The following NEMP2 variants were observed in gnomAD, a reference collection of about 807,000 sequenced individuals.
The protein encoded by NEMP2 is nuclear envelope integral membrane protein 2.
Under a neutral mutation model 54.2 loss-of-function variants are expected in NEMP2, and 53 were observed. The observed-to-expected ratio is 0.98, with a 90% confidence interval of 0.78 to 1.23. The LOEUF (loss-of-function observed/expected upper bound fraction) is 1.23, where lower values mean the gene tolerates loss of function less well. Ranked by LOEUF, NEMP2 falls within the 50% of genes most tolerant of loss-of-function variation. The pLI, the probability that NEMP2 is intolerant of heterozygous loss-of-function variation, is 0.00. For missense variants in NEMP2, 455 were observed against 511.3 expected, an observed-to-expected ratio of 0.89 and a Z score of 1.06; for synonymous variants, 197 against 190.3, an observed-to-expected ratio of 1.04 and a Z score of -0.29.
chr2:190,470,927 G>T, the NEMP2 span, among the ~76,000 whole-genome samples: 1 of 151,868 alleles, frequency 6.6e-6, no homozygotes, highest in Non-Finnish European at 1.5e-5. Flanking sequence ...ACTTTAAGAT[G>T]CTTTTCTCAG....
chr2:190,519,013 C>G lies in NEMP2; in HGVS notation c.384G>C (p.Val128=). ...TCTTGACAGGCTCCACAGAGAAGCACACAGTCTCCCTGTATGGATTGATGA... is the reference window on the plus strand; with the variant it reads ...TCTTGACAGGCTCCACAGAGAAGCAGACAGTCTCCCTGTATGGATTGATGA... ...TIIINPYRET[V]CFSVEPVKKI... The change falls in exon 3 of 9, where the codon GTG becomes GTC. Residue 128 remains valine (V), a synonymous_variant. Coordinates refer to ENST00000409150, the MANE Select transcript of NEMP2 (RefSeq NM_001142645.2). The surrounding 1 kb of genome is among the most constrained non-coding windows in gnomAD (Gnocchi z 5.4). 5 of 1,551,374 alleles carry G rather than the reference C, an allele frequency of 3.2e-6. No homozygotes were observed. The highest frequency in any genetic ancestry group is 4.4e-6 in the Non-Finnish European group (5 of 1,146,932).
chr2:190,568,473 T>TTA, the NEMP2 span, among the ~76,000 whole-genome samples: 1 of 152,046 alleles, frequency 6.6e-6, no homozygotes, highest in Non-Finnish European at 1.5e-5. The surrounding 1 kb of genome is among the most constrained non-coding windows in gnomAD (Gnocchi z 4.7). Flanking sequence ...CAATATAATC[T>TTA]TATATATATA....
At chr2:190,486,260 G>C in the NEMP2 span, among the ~76,000 whole-genome samples, 1 of 152,348 alleles carries the variant, frequency 6.6e-6, no homozygotes, top group South Asian at 2.1e-4. Flanking sequence ...CGCCTTGTGT[G>C]GGTTCTGGGT....
the NEMP2 span, among the ~76,000 whole-genome samples, chr2:190,494,751 C>T: frequency 6.6e-6 from 1 of 152,144 alleles, no homozygotes; most frequent in Admixed American, 6.5e-5. The surrounding 1 kb of genome is among the most constrained non-coding windows in gnomAD (Gnocchi z 5.7). Context: ...ACAAAAATCA[C>T]ATGATCATCT....
At chr2:190,430,945 A>T in the NEMP2 span, among the ~76,000 whole-genome samples, 2 of 148,452 alleles carry the variant, frequency 1.3e-5, no homozygotes, top group East Asian at 4.2e-4. Context: ...CTCACTTCTC[A>T]GACGGGGCGG....
the NEMP2 span, among the ~76,000 whole-genome samples, chr2:190,451,265 T>A: frequency 6.6e-6 from 1 of 152,212 alleles, no homozygotes; most frequent in African/African-American, 2.4e-5. This position sits in a 1 kb window ranked among gnomAD's most constrained non-coding sequence, Gnocchi z 5.0. Flanking sequence ...AGGTTCCTCA[T>A]TGGTAAAACG....
chr2:190,541,871 T>C, the NEMP2 span, among the ~76,000 whole-genome samples: 2 of 20,190 alleles, frequency 9.9e-5, no homozygotes. This position sits in a 1 kb window ranked among gnomAD's most constrained non-coding sequence, Gnocchi z 5.2. Flanking sequence ...TGGATAGCAG[T>C]TTTTTTTTTT....
intron 1 of NEMP2, 25 bp downstream of exon 1, chr2:190,534,534 G>A: frequency 7.3e-7 from 1 of 1,371,266 alleles, no homozygotes; most frequent in Non-Finnish European, 9.4e-7. Flanking sequence ...GCACGCGCGC[G>A]CCGCCGCCGC....
chr2:190,518,710 T>C (rs1172493392), intron 4 of NEMP2, 26 bp downstream of exon 4: 3 of 1,485,468 alleles, frequency 2.0e-6, no homozygotes, highest in Non-Finnish European at 1.8e-6. Flanking sequence ...ATTCACAAAG[T>C]TAAAAATATA....
chr2:190,437,784 C>T, the NEMP2 span, among the ~76,000 whole-genome samples: 1 of 152,174 alleles, frequency 6.6e-6, no homozygotes. This position sits in a 1 kb window ranked among gnomAD's most constrained non-coding sequence, Gnocchi z 5.9. Flanking sequence ...ATGGCTTCCT[C>T]TGCTCTCCCA....
At chr2:190,434,747 A>C in the NEMP2 span, among the ~76,000 whole-genome samples, 1 of 152,188 alleles carries the variant, frequency 6.6e-6, no homozygotes, top group African/African-American at 2.4e-5. This position sits in a 1 kb window ranked among gnomAD's most constrained non-coding sequence, Gnocchi z 4.3. Flanking sequence ...ACTGTTTTTC[A>C]AAAAAGTTTA....
chr2:190,468,319 C>G, the NEMP2 span, among the ~76,000 whole-genome samples: 1 of 152,174 alleles, frequency 6.6e-6, no homozygotes, highest in African/African-American at 2.4e-5. Flanking sequence ...CATCCACACC[C>G]TTCAACTTTT....
At chr2:190,466,734 AT>A in the NEMP2 span, among the ~76,000 whole-genome samples, 1 of 152,090 alleles carries the variant, frequency 6.6e-6, no homozygotes, top group Non-Finnish European at 1.5e-5. Context: ...GATACTTCTT[AT>A]TTTGTGTTTT....
chr2:190,566,988 C>G, the NEMP2 span, among the ~76,000 whole-genome samples: 4 of 151,818 alleles, frequency 2.6e-5, no homozygotes, highest in Non-Finnish European at 4.4e-5. Context: ...AATCATACCT[C>G]TAACCTAAAA....
At chr2:190,471,958 C>T in the NEMP2 span, among the ~76,000 whole-genome samples, 1 of 152,208 alleles carries the variant, frequency 6.6e-6, no homozygotes, top group African/African-American at 2.4e-5. This position sits in a 1 kb window ranked among gnomAD's most constrained non-coding sequence, Gnocchi z 4.7. Flanking sequence ...GCAGCTTTCA[C>T]TGCTGATACC....
At chr2:190,463,747 G>A in the NEMP2 span, 1 of 364,744 alleles carries the variant, frequency 2.7e-6, no homozygotes, top group East Asian at 1.6e-4. The surrounding 1 kb of genome is among the most constrained non-coding windows in gnomAD (Gnocchi z 4.4). Context: ...CTGGGCTCTG[G>A]TGGTCAAGGC....
chr2:190,628,229 G>A, the NEMP2 span: 24 of 152,212 alleles, frequency 1.6e-4, no homozygotes, highest in African/African-American at 5.1e-4. The surrounding 1 kb of genome is among the most constrained non-coding windows in gnomAD (Gnocchi z 4.1). Flanking sequence ...CATCTGGAAG[G>A]TCTTGGGGAG....
At chr2:190,611,569 C>A in the NEMP2 span, among the ~76,000 whole-genome samples, 1 of 152,150 alleles carries the variant, frequency 6.6e-6, no homozygotes, top group Admixed American at 6.5e-5. The surrounding 1 kb of genome is among the most constrained non-coding windows in gnomAD (Gnocchi z 5.4). Flanking sequence ...GATGATACCC[C>A]TTTAACTTTG....
the NEMP2 span, among the ~76,000 whole-genome samples, chr2:190,467,264 G>A: frequency 6.6e-6 from 1 of 152,190 alleles, no homozygotes; most frequent in Non-Finnish European, 1.5e-5. The surrounding 1 kb of genome is among the most constrained non-coding windows in gnomAD (Gnocchi z 5.5). Flanking sequence ...ATTGAGATAG[G>A]TGTGGGCCTC....
Sources: gnomAD v4.1 joint callset for allele counts (sites outside exome capture counted in the v4.1 genomes callset) on GRCh38, gnomAD v4.1.1 for gene constraint, Gnocchi (gnomAD v3.1) non-coding constraint, MANE v1.5 for transcripts, NCBI Gene and HGNC (gene_info 2026-07-23, HGNC 2026-07-21) for gene names.